TRIQK: variants seen among roughly 807,000 people sequenced by gnomAD.
TRIQK encodes the protein triple QxxK/R motif-containing protein.
A neutral mutation model predicts 10.8 loss-of-function variants in TRIQK; 10 were observed. The observed-to-expected ratio is 0.92, with a 90% CI of 0.57 to 1.57. TRIQK has a LOEUF of 1.57. TRIQK is among the 40% of genes most tolerant of loss of function. The pLI is 0.00. For missense variants in TRIQK, 107 were observed against 97.7 expected (o/e 1.09, Z -0.40); for synonymous variants, 33 against 33.7 (o/e 0.98, Z 0.07).
intron 3 of TRIQK, among the ~76,000 whole-genome samples, chr8:92,901,715 T>G (rs755001737): frequency 6.6e-6 from 1 of 152,158 alleles, no homozygotes; most frequent in Non-Finnish European, 1.5e-5. Flanking sequence ...TTTTTTTTAA[T>G]GTGTTCTTGT....
At chr8:92,891,627 C>A (rs895344169) in intron 4 of TRIQK, among the ~76,000 whole-genome samples, 2 of 151,810 alleles carry the variant, frequency 1.3e-5, no homozygotes, top group Non-Finnish European at 1.5e-5. Flanking sequence ...TATATAATTA[C>A]AACTACAATT....
At chr8:92,988,965 A>T (rs1813066212) in intron 1 of TRIQK, among the ~76,000 whole-genome samples, 1 of 152,128 alleles carries the variant, frequency 6.6e-6, no homozygotes, top group Non-Finnish European at 1.5e-5. Flanking sequence ...GTATGCAAAA[A>T]CTATTCTAAA....
intron 1 of TRIQK, among the ~76,000 whole-genome samples, chr8:93,003,787 G>A (rs1369505181): frequency 6.6e-6 from 1 of 151,988 alleles, no homozygotes; most frequent in Non-Finnish European, 1.5e-5. Flanking sequence ...GGAAGAAATT[G>A]GCCAAAAAAA....
intron 1 of TRIQK, among the ~76,000 whole-genome samples, chr8:93,008,961 A>T (rs559914793): frequency 1.4e-4 from 21 of 152,326 alleles, no homozygotes; most frequent in African/African-American, 4.6e-4. Context: ...AAGCAAAAAT[A>T]GACAAATAAG....
At chr8:93,007,159 T>C (rs1813283033) in intron 1 of TRIQK, among the ~76,000 whole-genome samples, 1 of 152,148 alleles carries the variant, frequency 6.6e-6, no homozygotes, top group South Asian at 2.1e-4. Context: ...CAGGCAGCCA[T>C]TTCTGCTGTT....
intron 1 of TRIQK, among the ~76,000 whole-genome samples, chr8:93,005,063 A>C: frequency 7.1e-6 from 1 of 140,608 alleles, no homozygotes; most frequent in Admixed American, 6.8e-5. Context: ...TCTTTATAGC[A>C]ATGCCTGAAT....
chr8:92,925,899 T>C (rs1810422524), intron 2 of TRIQK, among the ~76,000 whole-genome samples: 1 of 152,110 alleles, frequency 6.6e-6, no homozygotes, highest in Admixed American at 6.5e-5. Context: ...TCTACAAAAA[T>C]GGTCATGGCT....
At chr8:92,984,495 G>A (rs1007372513) in intron 1 of TRIQK, among the ~76,000 whole-genome samples, 21 of 152,166 alleles carry the variant, frequency 1.4e-4, no homozygotes, top group Non-Finnish European at 2.1e-4. Context: ...ATTTAGATAT[G>A]AGAATAAAAA....
chr8:92,954,721 A>C (rs2130683242), intron 1 of TRIQK, among the ~76,000 whole-genome samples, 157 bp from the exon 2 acceptor site: 1 of 152,004 alleles, frequency 6.6e-6, no homozygotes, highest in Admixed American at 6.6e-5. Flanking sequence ...TCTATGCCAA[A>C]TATAATTGGA....
At chr8:92,910,439 AG>A (rs1241321598) in intron 3 of TRIQK, among the ~76,000 whole-genome samples, 1 of 151,246 alleles carries the variant, frequency 6.6e-6, no homozygotes, top group African/African-American at 2.4e-5. Flanking sequence ...TCAAGAAAAA[AG>A]GTTAGAGCGG....
intron 4 of TRIQK, among the ~76,000 whole-genome samples, chr8:92,888,995 T>G (rs1469362830): frequency 6.6e-6 from 1 of 151,656 alleles, no homozygotes; most frequent in Admixed American, 6.6e-5. Context: ...AATAGCAAAC[T>G]TAGTTGTGCA....
chr8:92,946,326 A>G (rs1316831651), intron 2 of TRIQK, among the ~76,000 whole-genome samples: 1 of 152,154 alleles, frequency 6.6e-6, no homozygotes, highest in Non-Finnish European at 1.5e-5. Context: ...ATTTTTTTCC[A>G]ACCTGGAACA....
intron 1 of TRIQK, among the ~76,000 whole-genome samples, chr8:93,016,326 T>G (rs16915434): frequency 0.032 from 4,888 of 152,286 alleles, 122 homozygotes; most frequent in South Asian, 0.048. Flanking sequence ...TGGCATTATC[T>G]TTAGGTTTTA....
chr8:92,995,384 A>T (rs1813143511), intron 1 of TRIQK, among the ~76,000 whole-genome samples: 2 of 152,024 alleles, frequency 1.3e-5, no homozygotes, highest in South Asian at 4.1e-4. Flanking sequence ...TCTTGTCAGA[A>T]TATGTGTGTT....
At chr8:93,009,932 T>C (rs1482882162) in intron 1 of TRIQK, among the ~76,000 whole-genome samples, 2 of 152,076 alleles carry the variant, frequency 1.3e-5, no homozygotes, top group African/African-American at 4.8e-5. Context: ...TGGTATACTA[T>C]TCAGACATAA....
intron 1 of TRIQK, among the ~76,000 whole-genome samples, chr8:92,985,018 T>C (rs1245903746): frequency 6.6e-6 from 1 of 152,224 alleles, no homozygotes; most frequent in Non-Finnish European, 1.5e-5. Context: ...ATCTTAGCCT[T>C]TGATGTTTCT....
chr8:92,925,432 C>T (rs1386887815), intron 2 of TRIQK, among the ~76,000 whole-genome samples: 1 of 151,660 alleles, frequency 6.6e-6, no homozygotes, highest in Non-Finnish European at 1.5e-5. Context: ...ATCAAGACAC[C>T]AATAAGAAAA....
chr8:92,924,900 C>G (rs992900251), intron 2 of TRIQK, among the ~76,000 whole-genome samples: 4 of 151,896 alleles, frequency 2.6e-5, no homozygotes, highest in African/African-American at 9.7e-5. Flanking sequence ...TTTCAGAGAT[C>G]GAAGTGCCCA....
At chr8:92,978,128 G>A (rs965963047) in intron 1 of TRIQK, among the ~76,000 whole-genome samples, 2 of 152,056 alleles carry the variant, frequency 1.3e-5, no homozygotes, top group African/African-American at 4.8e-5. Context: ...CTCTTACTCT[G>A]TAGTTGTCTC....
Sources: allele counts gnomAD v4.1 joint callset (sites outside exome capture counted in the v4.1 genomes callset), GRCh38; gene constraint gnomAD v4.1.1; transcripts MANE v1.5; gene names NCBI Gene and HGNC (gene_info 2026-07-23, HGNC 2026-07-21).